Variants in PSG5 observed in about 807,000 individuals in gnomAD.
PSG5 encodes the protein pregnancy-specific beta-1-glycoprotein 5.
PSG5 carries 53 observed loss-of-function variants against 37.7 expected under a neutral mutation model. The observed-to-expected ratio is 1.41, with a 90% CI of 1.13 to 1.77. The LOEUF is 1.77. Ranked by LOEUF, PSG5 falls within the 40% of genes most tolerant of loss-of-function variation. PSG5 has a pLI of 0.00. For missense variants in PSG5, 547 were observed against 405.2 expected (o/e 1.35, Z -3.00); for synonymous variants, 221 against 155.4 (o/e 1.42, Z -3.14).
At chr19:43,169,696 C>G (rs2355430) in intron 5 of PSG5, among the ~76,000 whole-genome samples, 4 of 151,526 alleles carry the variant, frequency 2.6e-5, no homozygotes, top group South Asian at 4.1e-4. Context: ...AAAGTCTGGC[C>G]ACAAGAAGTC....
intron 4 of PSG5, 145 bp downstream of exon 4, chr19:43,175,070 T>C (rs1968976531): frequency 6.4e-7 from 1 of 1,567,164 alleles, no homozygotes; most frequent in Non-Finnish European, 8.6e-7. Flanking sequence ...TAGAGACAAA[T>C]TGGAAGGGTT....
intron 5 of PSG5, among the ~76,000 whole-genome samples, chr19:43,168,646 G>A (rs570295570): frequency 9.2e-5 from 14 of 151,682 alleles, no homozygotes; most frequent in South Asian, 2.1e-4. Context: ...TGCTGGGATT[G>A]CAGGCGTGAG....
chr19:43,185,268 A>G, intron 1 of PSG5, 121 bp from the exon 2 acceptor site: 3 of 1,068,492 alleles, frequency 2.8e-6, no homozygotes, highest in Non-Finnish European at 4.0e-6. Context: ...ACACACACAA[A>G]CACACACACA....
At chr19:43,176,217 C>T (rs1568372323) in intron 2 of PSG5, 69 bp from the exon 3 acceptor site, 2 of 1,576,548 alleles carry the variant, frequency 1.3e-6, no homozygotes, top group East Asian at 2.2e-5. Context: ...ATCCTTCAAT[C>T]AGAGTTGGCA....
intron 4 of PSG5, 126 bp from the exon 5 acceptor site, chr19:43,170,264 TG>T: frequency 1.1e-6 from 1 of 951,950 alleles, no homozygotes; most frequent in South Asian, 1.5e-5. Context: ...TTATTCCTCT[TG>T]GGAAATTGAT....
Position 43,168,218 on chromosome 19 carries a change from G to A in PSG5, c.*41-15C>T. ...AAAGCAACTGTCTGGGAAAGACAAA[G>A]ATTTAAACTGACTATGGTTAAAAAT... On this transcript the variant is annotated splice_polypyrimidine_tract_variant and intron_variant, in intron 5 of 5. Transcript: ENST00000342951. The A allele has an allele frequency of 2.5e-6, 1 of 396,386 alleles. No individual in the cohort carries two copies. Among genetic ancestry groups the A allele is most frequent in the Non-Finnish European group, 4.7e-6 (1 of 214,758 alleles). The allele number at this position is 396,386 out of a possible 1,614,324, so 24.6% of individuals were successfully genotyped here.
At chr19:43,186,250 T>A in intron 1 of PSG5, 92 bp downstream of exon 1, 2 of 1,590,642 alleles carry the variant, frequency 1.3e-6, no homozygotes, top group Middle Eastern at 1.9e-4. Flanking sequence ...TGCTGGCTTC[T>A]TTTATTTTTT....
Position 43,175,305 on chromosome 19 carries a change from T to C in PSG5, c.874A>G (p.Thr292Ala). 6.2e-7 allele frequency: 1 copy of C among 1,612,704 alleles called. No homozygotes were observed. Among genetic ancestry groups the C allele is most frequent in the Non-Finnish European group, 8.5e-7 (1 of 1,179,180 alleles). The change falls in exon 4 of 6, where the codon ACT becomes GCT. Residue 292 changes from threonine to alanine, a missense_variant. Coordinates refer to ENST00000342951, the MANE Select transcript of PSG5 (RefSeq NM_002781.4). ...GTATAGAGCCCTCTATGCTTTGTAG[T>C]AATTTGGGGGATAGAGAGCTTTTGT... is the stretch of plus-strand genomic sequence containing the variant. ...SGQKLSIPQITTKHRGLYTCS... is the reference protein window; with the variant it reads ...SGQKLSIPQIATKHRGLYTCS...
Position 43,175,469 on chromosome 19 carries a change from T to C in PSG5, c.710A>G (p.Tyr237Cys). 1 of 1,603,996 alleles carries C rather than the reference T, an allele frequency of 6.2e-7. No individual in the cohort carries two copies. Among genetic ancestry groups the C allele is most frequent in the Non-Finnish European group, 8.5e-7 (1 of 1,174,806 alleles). The change falls in exon 4 of 6, where the codon TAT becomes TGT. Residue 237 changes from tyrosine (Y) to cysteine (C), a missense_variant and splice_region_variant. Coordinates refer to ENST00000342951, the MANE Select transcript of PSG5 (RefSeq NM_002781.4). ...GTAAATGCTGGGGAGGTCTGGACCATCTGGAGCAAAGAGAATGAAGCCACA... is the reference window on the plus strand; with the variant it reads ...GTAAATGCTGGGGAGGTCTGGACCACCTGGAGCAAAGAGAATGAAGCCACA... ...RSDPVTLNVL[Y>C]GPDLPSIYPS...
intron 4 of PSG5, among the ~76,000 whole-genome samples, chr19:43,171,983 C>CAAAAAAAAAAAAAA (rs60198220): frequency 1.0e-4 from 11 of 105,124 alleles, no homozygotes; most frequent in African/African-American, 3.9e-4. Flanking sequence ...TCCCTCTCTT[C>CAAAAAAAAAAAAAA]AAAAAAAAAA....
At position 43,184,966 on chromosome 19, in the gene PSG5, A is replaced by T. The variant is rs571589894; in HGVS notation, c.246T>A (p.Tyr82Ter). 2 of 1,612,436 alleles carry T rather than the reference A, an allele frequency of 1.2e-6. No homozygotes were observed. Among genetic ancestry groups the T allele is most frequent in the Admixed American group, 1.7e-5 (1 of 59,884 alleles). Reference sequence around the variant, plus strand: ...ATATATTTATTTGACCGTCTACTACATATGATGTAATGTAATGGTAGAGGT... The same window carrying T: ...ATATATTTATTTGACCGTCTACTACTTATGATGTAATGTAATGGTAGAGGT... ...LMDLYHYITSYVVDGQINIYG... is the reference protein window; with the variant it reads ...LMDLYHYITS Residue 82 changes from tyrosine to a stop codon, truncating the protein, a stop_gained, in exon 2 of 6, where the codon TAT (tyrosine) becomes TAA (stop). Coordinates refer to ENST00000342951, the MANE Select transcript of PSG5 (RefSeq NM_002781.4). LOFTEE classifies it high-confidence loss of function.
Position 43,175,309 on chromosome 19 carries a change from T to G in PSG5, c.870A>C (p.Gln290His), listed in dbSNP as rs144454420. 7 of 1,612,606 alleles carry G rather than the reference T, an allele frequency of 4.3e-6. 1 individual carries two copies. The African/African-American group carries it at 8.0e-5, about 19-fold the overall frequency. Reference sequence around the variant, plus strand: ...AGAGCCCTCTATGCTTTGTAGTAATTTGGGGGATAGAGAGCTTTTGTCCTG... The same window carrying G: ...AGAGCCCTCTATGCTTTGTAGTAATGTGGGGGATAGAGAGCTTTTGTCCTG... Reference protein sequence around the residue: ...QQSGQKLSIPQITTKHRGLYT... With the variant: ...QQSGQKLSIPHITTKHRGLYT... Residue 290 changes from glutamine (Q) to histidine (H), a missense_variant, in exon 4 of 6, where the codon CAA becomes CAC. Transcript: ENST00000342951.
At position 43,175,983 on chromosome 19, in the gene PSG5, T is replaced by C. The variant is rs143467092; in HGVS notation, c.596A>G (p.Asn199Ser). The C allele has an allele frequency of 6.2e-7, 1 of 1,611,692 alleles. No individual in the cohort carries two copies. Among genetic ancestry groups the C allele is most frequent in the Non-Finnish European group, 8.5e-7 (1 of 1,179,180 alleles). Residue 199 changes from asparagine (N) to serine (S), a missense_variant, in exon 3 of 6, where the codon AAC becomes AGC. Asn to Ser is a conservative substitution (Grantham distance 46, BLOSUM62 1). Transcript: ENST00000342951. Reference sequence around the variant, plus strand: ...GACACTGGGTAGAATGAGGATCCTGTTTTCAATGGGTCGCTTTACCCTGGG... The same window carrying C: ...GACACTGGGTAGAATGAGGATCCTGCTTTCAATGGGTCGCTTTACCCTGGG... ...VSPRVKRPIE[N>S]RILILPSVTR...
chr19:43,171,328 A>C (rs552915054), intron 4 of PSG5: 3 of 151,794 alleles, frequency 2.0e-5, no homozygotes, highest in African/African-American at 4.9e-5. Context: ...TGAAGAAAGC[A>C]CTCTCATTGC....
chr19:43,174,430 C>T lies in PSG5; in HGVS notation c.964+785G>A, dbSNP rs752941400. 2.4e-4 allele frequency: 200 copies of T among 825,646 alleles called. 4 individuals carry two copies. Among genetic ancestry groups the T allele is most frequent in the Middle Eastern group, 1.8e-3 (3 of 1,624 alleles). The allele number at this position is 825,646 out of a possible 1,614,324, so 51.1% of individuals were successfully genotyped here. A position where few individuals can be genotyped will look rare whatever the true frequency, so the allele number is the denominator to read the frequency against. ...ACTGCCCCTTTCCTGCCATGCAGAG[C>T]CCCAGGGGTGAATCTCTCTATTTCT... On this transcript the variant is annotated intron_variant, in intron 4 of 5. Coordinates refer to ENST00000342951, the MANE Select transcript of PSG5 (RefSeq NM_002781.4).
rs887358879 is a variant in PSG5, at chr19:43,186,454, A to G, written c.-49T>C. ...CTCTGTGGAGCTGAGCCTAGGATCC[A>G]GAAACTTCCTGAGCACGGCTGTAGG... On this transcript the variant is annotated 5_prime_UTR_variant, in exon 1 of 6. Transcript: ENST00000342951. The G allele has an allele frequency of 5.6e-6, 9 of 1,609,022 alleles. No homozygotes were observed. Among genetic ancestry groups the G allele is most frequent in the Non-Finnish European group, 6.8e-6 (8 of 1,176,968 alleles).
chr19:43,169,962 G>C (rs1360147848), intron 5 of PSG5, 93 bp downstream of exon 5: 4 of 741,134 alleles, frequency 5.4e-6, no homozygotes, highest in African/African-American at 3.6e-5. Flanking sequence ...AGGAGGAGAT[G>C]CAGTCCCAGA....
At position 43,176,281 on chromosome 19, in the gene PSG5, G is replaced by T; in HGVS notation, c.431-133C>A. On this transcript the variant is annotated intron_variant, in intron 2 of 5. Transcript: ENST00000342951. The stretch of plus-strand genomic sequence containing the variant: ...TTGAAAGCCAGTAGCTGATGCATGT[G>T]TCACAAGATAGATGCATGATGATCT... The T allele has an allele frequency of 3.5e-6, 5 of 1,438,178 alleles. No individual in the cohort carries two copies. In the South Asian group the frequency reaches 5.3e-5, roughly 15 times the overall value. The allele number at this position is 1,438,178 out of a possible 1,614,324, so 89.1% of individuals were successfully genotyped here.
At chr19:43,183,901 C>CA (rs1414034694) in intron 2 of PSG5, among the ~76,000 whole-genome samples, 2 of 131,622 alleles carry the variant, frequency 1.5e-5, no homozygotes, top group Admixed American at 1.5e-4. Context: ...AGCTAAGTGG[C>CA]AAATGGACTG....
Sources: gnomAD v4.1 joint callset for allele counts (sites outside exome capture counted in the v4.1 genomes callset) on GRCh38, gnomAD v4.1.1 for gene constraint, MANE v1.5 for transcripts, NCBI Gene and HGNC (gene_info 2026-07-23, HGNC 2026-07-21) for gene names.